Variants in NOTCH1 observed in about 807,000 individuals in gnomAD.
NOTCH1 encodes the protein neurogenic locus notch homolog protein 1.
NOTCH1 carries 37 observed loss-of-function variants against 254.8 expected under a neutral mutation model. The ratio of observed to expected loss-of-function variants is 0.15; its 90% CI spans 0.11 to 0.19. The LOEUF (loss-of-function observed/expected upper bound fraction) is 0.19, where lower values mean the gene tolerates loss of function less well. NOTCH1 is among the 10% of genes least tolerant of loss of function. The pLI, the probability that NOTCH1 is intolerant of heterozygous loss-of-function variation, is 1.00. For synonymous variants in NOTCH1, 1,731 were observed against 1,618.1 expected (o/e 1.07, Z -1.68); for missense variants, 2,972 against 3,708.6 (o/e 0.80, Z 5.16).
intron 2 of NOTCH1, among the ~76,000 whole-genome samples, chr9:136,532,567 G>T (rs1368100490): frequency 6.6e-6 from 1 of 152,174 alleles, no homozygotes; most frequent in Non-Finnish European, 1.5e-5. Flanking sequence ...GGGGAGCCGG[G>T]CGTGCCGCCC....
chr9:136,517,719 C>T (rs777615918), intron 8 of NOTCH1, 33 bp downstream of exon 8: 1 of 1,612,044 alleles, frequency 6.2e-7, no homozygotes, highest in South Asian at 1.1e-5. Context: ...CCAGCCTCGA[C>T]TCGGTTTCCC....
At position 136,522,665 on chromosome 9, in the gene NOTCH1, G is replaced by A. The variant is rs117546543; in HGVS notation, c.742+185C>T. 9,242 of 612,424 alleles carry A rather than the reference G, an allele frequency of 0.015. 95 individuals carry two copies. The highest frequency in any genetic ancestry group is 0.019 in the Non-Finnish European group (6,715 of 358,028). The allele number at this position is 612,424 out of a possible 1,614,324, so 37.9% of individuals were successfully genotyped here. ...GACCCTGTGCAAGCCTCCTCCCAGC[G>A]CACACCCCGCTCCAGACGCGTCCCC... is the stretch of plus-strand genomic sequence containing the variant. On this transcript the variant is annotated intron_variant, in intron 4 of 33. Coordinates refer to ENST00000651671, the MANE Select transcript of NOTCH1 (RefSeq NM_017617.5).
rs1423862444 is a variant in NOTCH1, at chr9:136,514,641, G to A, written c.2076C>T (p.Thr692=). ...CAGNPCHNGG[T]CEDGINGFTC... Reference sequence around the variant, plus strand: ...TGAAGCCATTGATGCCGTCCTCGCAGGTGCCCCCGTTGTGGCAGGGGTTGC... The same window carrying A: ...TGAAGCCATTGATGCCGTCCTCGCAAGTGCCCCCGTTGTGGCAGGGGTTGC... Residue 692 remains threonine, a synonymous_variant, in exon 13 of 34, where the codon ACC becomes ACT. Coordinates refer to ENST00000651671, the MANE Select transcript of NOTCH1 (RefSeq NM_017617.5). 1 of 1,612,394 alleles carries A rather than the reference G, an allele frequency of 6.2e-7. No individual in the cohort carries two copies. The highest frequency in any genetic ancestry group is 8.5e-7 in the Non-Finnish European group (1 of 1,179,876).
intron 10 of NOTCH1, 34 bp from the exon 11 acceptor site, chr9:136,515,750 T>C: frequency 6.6e-7 from 1 of 1,520,410 alleles, no homozygotes; most frequent in Non-Finnish European, 8.8e-7. Context: ...CAGGAAGACT[T>C]AGGACTGGCG....
At chr9:136,539,924 G>A (rs976617065) in intron 2 of NOTCH1, among the ~76,000 whole-genome samples, 5 of 152,180 alleles carry the variant, frequency 3.3e-5, no homozygotes, top group Admixed American at 1.3e-4. Flanking sequence ...TTAAGGGGAA[G>A]CCACGCCCCC....
chr9:136,526,955 T>C (rs1353917569), intron 2 of NOTCH1, among the ~76,000 whole-genome samples: 1 of 151,952 alleles, frequency 6.6e-6, no homozygotes, highest in Admixed American at 6.5e-5. Flanking sequence ...CCGCCCCCAC[T>C]CCCAGCCTGG....
chr9:136,507,712 A>G (rs1432086333), intron 21 of NOTCH1, among the ~76,000 whole-genome samples: 3 of 152,154 alleles, frequency 2.0e-5, no homozygotes, highest in African/African-American at 7.2e-5. Flanking sequence ...CCAAGCCCAG[A>G]CACAATCTAG....
rs759862433 is a variant in NOTCH1 at position 136,511,175 on chromosome 9, C to T, written c.2564G>A (p.Cys855Tyr). Residue 855 changes from cysteine (C) to tyrosine (Y), a missense_variant, in exon 16 of 34, where the codon TGT (cysteine) becomes TAT (tyrosine). Physicochemically the swap from Cys to Tyr is radical, Grantham distance 194. Around this residue, in one of 8 missense-constraint regions of NOTCH1, gnomAD observed 1,343 missense variants for 1,557.0 expected, o/e 0.86. Coordinates refer to ENST00000651671, the MANE Select transcript of NOTCH1 (RefSeq NM_017617.5). The stretch of plus-strand genomic sequence containing the variant: ...ACCTTGCCAGCCCGTGGGGCAGACA[C>T]AGGAGAAGCTCTCATAGTCCTCGGA... ...RQSEDYESFS[C>Y]VCPTGWQGQT... 8 of 1,612,834 alleles carry T rather than the reference C, an allele frequency of 5.0e-6. No homozygotes were observed. Among genetic ancestry groups the T allele is most frequent in the Non-Finnish European group, 6.8e-6 (8 of 1,180,016 alleles).
chr9:136,525,591 G>C (rs890891533), intron 2 of NOTCH1, among the ~76,000 whole-genome samples: 1 of 152,202 alleles, frequency 6.6e-6, no homozygotes, highest in Non-Finnish European at 1.5e-5. Context: ...ACCTGGGTGC[G>C]GGGCTGCGGC....
At chr9:136,526,361 T>C (rs1319050446) in intron 2 of NOTCH1, among the ~76,000 whole-genome samples, 1 of 152,204 alleles carries the variant, frequency 6.6e-6, no homozygotes, top group Non-Finnish European at 1.5e-5. Flanking sequence ...TCCCAGCCGC[T>C]GAAGTCGGCA....
intron 2 of NOTCH1, among the ~76,000 whole-genome samples, chr9:136,536,687 AT>A (rs1843662734): frequency 6.6e-6 from 1 of 152,188 alleles, no homozygotes; most frequent in African/African-American, 2.4e-5. Flanking sequence ...GTGCACCCAG[AT>A]GGGGTCCCAC....
intron 2 of NOTCH1, among the ~76,000 whole-genome samples, chr9:136,539,845 T>A (rs1843706519): frequency 6.6e-6 from 1 of 152,024 alleles, no homozygotes; most frequent in South Asian, 2.1e-4. Context: ...AGCTACCCCG[T>A]CCCTCCCCAG....
rs368372846 is a variant in NOTCH1, at chr9:136,499,299, C to T, written c.5935-40G>A. ...GAGGCTCAGGCGGGTGCTGGGCAGACGTACACCGATGCCTCCTGCCCAGAA... is the reference window on the plus strand; with the variant it reads ...GAGGCTCAGGCGGGTGCTGGGCAGATGTACACCGATGCCTCCTGCCCAGAA... On this transcript the variant is annotated intron_variant, in intron 31 of 33. Coordinates refer to ENST00000651671, the MANE Select transcript of NOTCH1 (RefSeq NM_017617.5). The T allele has an allele frequency of 1.3e-5, 21 of 1,607,598 alleles. No homozygotes were observed. In the Middle Eastern group the frequency reaches 5.1e-4, roughly 39 times the overall value.
chr9:136,541,195 A>T (rs1589082715), intron 2 of NOTCH1, among the ~76,000 whole-genome samples: 1 of 151,890 alleles, frequency 6.6e-6, no homozygotes, highest in South Asian at 2.1e-4. Context: ...GGTGCTTTCT[A>T]CCTGGCCACT....
chr9:136,497,123 G>T lies in NOTCH1; in HGVS notation c.6616C>A (p.Pro2206Thr). ...GCCACGTCTGACAGGTAGCCATGGGGTGACTCCAGGGAGTCCACGGGCGAG... is the reference window on the plus strand; with the variant it reads ...GCCACGTCTGACAGGTAGCCATGGGTTGACTCCAGGGAGTCCACGGGCGAG... ...MLSPVDSLESPHGYLSDVASP... is the reference protein window; with the variant it reads ...MLSPVDSLESTHGYLSDVASP... Residue 2206 changes from proline (P) to threonine (T), a missense_variant, in exon 34 of 34, where the codon CCC (proline) becomes ACC (threonine). Physicochemically the swap from Pro to Thr is conservative, Grantham distance 38 (BLOSUM62 -1). Coordinates refer to ENST00000651671, the MANE Select transcript of NOTCH1 (RefSeq NM_017617.5). 6.2e-7 allele frequency: 1 copy of T among 1,612,280 alleles called. No individual in the cohort carries two copies. The highest frequency in any genetic ancestry group is 2.2e-5 in the East Asian group (1 of 44,874).
intron 33 of NOTCH1, among the ~76,000 whole-genome samples, chr9:136,498,659 G>A (rs1227517692): frequency 3.9e-5 from 6 of 152,296 alleles, no homozygotes; most frequent in East Asian, 1.9e-4. Flanking sequence ...TCTGAGGGGC[G>A]AGCCGCCGTG....
intron 15 of NOTCH1, among the ~76,000 whole-genome samples, 160 bp downstream of exon 15, chr9:136,512,861 C>T (rs1843202711): frequency 6.6e-6 from 1 of 152,142 alleles, no homozygotes; most frequent in South Asian, 2.1e-4. Flanking sequence ...AAGGCCCCGC[C>T]CCAAGAAAGC....
intron 2 of NOTCH1, among the ~76,000 whole-genome samples, chr9:136,527,101 G>T (rs113648665): frequency 1.3e-5 from 2 of 152,304 alleles, no homozygotes; most frequent in African/African-American, 4.8e-5. Flanking sequence ...TCTGTGTGTG[G>T]GGGGCAGCTT....
chr9:136,505,100 G>A lies in NOTCH1; in HGVS notation c.4591C>T (p.Leu1531=), dbSNP rs767846384. 1.2e-6 allele frequency: 2 copies of A among 1,607,758 alleles called. No homozygotes were observed. Among genetic ancestry groups the A allele is most frequent in the South Asian group, 2.2e-5 (2 of 90,908 alleles). ...CQRAEGQCNP[L]YDQYCKDHFS... is the part of the protein sequence containing the mutation. ...TGGTCCTTGCAGTACTGGTCGTACA[G>A]GGGGCTGTGGGGGGCGGGACACGCT... The change falls in exon 26 of 34, where the codon CTG becomes TTG. Residue 1531 remains leucine (L), a synonymous_variant. Transcript: ENST00000651671.
Sources: gnomAD v4.1 joint callset for allele counts (sites outside exome capture counted in the v4.1 genomes callset) on GRCh38, gnomAD v4.1.1 for gene constraint, gnomAD v4.1.1 regional missense constraint, MANE v1.5 for transcripts, NCBI Gene and HGNC (gene_info 2026-07-23, HGNC 2026-07-21) for gene names.